CHST13: variants seen among roughly 807,000 people sequenced by gnomAD.
CHST13 encodes the protein C4ST-3.
A neutral mutation model predicts 7.0 loss-of-function variants in CHST13; 1 was observed. The observed-to-expected ratio is 0.14, with a 90% CI of 0.05 to 0.68. The LOEUF is 0.68. Ranked by LOEUF, CHST13 falls within the 30% of genes least tolerant of loss-of-function variation. The pLI is 0.82. For synonymous variants in CHST13, 257 were observed against 240.9 expected (o/e 1.07, Z -0.62); for missense variants, 572 against 507.9 (o/e 1.13, Z -1.21).
Position 126,542,416 on chromosome 3 carries a change from C to A in CHST13, c.864C>A (p.Phe288Leu). 3 of 1,553,100 alleles carry A rather than the reference C, an allele frequency of 1.9e-6. No homozygotes were observed. Among genetic ancestry groups the A allele is most frequent in the Non-Finnish European group, 2.6e-6 (3 of 1,152,018 alleles). Reference protein sequence around the residue: ...LGLAGASDLSFPGPPRPRGAA... With the variant: ...LGLAGASDLSLPGPPRPRGAA... Reference sequence around the variant, plus strand: ...TGGCGGGCGCATCCGACCTGAGCTTCCCTGGGCCGCCGCGGCCCCGGGGAG... The same window carrying A: ...TGGCGGGCGCATCCGACCTGAGCTTACCTGGGCCGCCGCGGCCCCGGGGAG... Residue 288 changes from phenylalanine (F) to leucine (L), a missense_variant, in exon 3 of 3, where the codon TTC becomes TTA. Phe to Leu is a conservative substitution (Grantham distance 22). Coordinates refer to ENST00000319340, the MANE Select transcript of CHST13 (RefSeq NM_152889.3).
intron 1 of CHST13, among the ~76,000 whole-genome samples, chr3:126,535,350 C>T (rs541683315): frequency 9.3e-5 from 14 of 150,550 alleles, no homozygotes; most frequent in Middle Eastern, 3.7e-3. Flanking sequence ...TGTCCTCAGC[C>T]GGGAGACACA....
intron 1 of CHST13, among the ~76,000 whole-genome samples, chr3:126,532,762 C>T (rs1210895297): frequency 6.6e-6 from 1 of 152,170 alleles, no homozygotes; most frequent in Non-Finnish European, 1.5e-5. Context: ...CCTTCACTTT[C>T]CACAAGAATT....
chr3:126,541,661 G>C (rs1312952556), intron 2 of CHST13, 72 bp from the exon 3 acceptor site: 3 of 1,320,120 alleles, frequency 2.3e-6, no homozygotes, highest in Non-Finnish European at 2.9e-6. Flanking sequence ...GCATCCCGCC[G>C]GGGCAGCGCC....
rs1200149816 is a variant in CHST13, at chr3:126,542,481, A to C, written c.929A>C (p.Asp310Ala). The change falls in exon 3 of 3, where the codon GAC (aspartate) becomes GCC (alanine). Residue 310 changes from aspartate to alanine, a missense_variant. Transcript: ENST00000319340. ...SRDLAARLFR[D>A]ISPFYQRRLF... The stretch of plus-strand genomic sequence containing the variant: ...GACCTGGCAGCGCGCCTCTTCCGGG[A>C]CATCAGCCCCTTCTACCAGCGGCGC... 1 of 1,580,830 alleles carries C rather than the reference A, an allele frequency of 6.3e-7. No homozygotes were observed. The highest frequency in any genetic ancestry group is 1.8e-5 in the Admixed American group (1 of 55,170).
At chr3:126,539,559 G>GCA (rs1033518913) in intron 2 of CHST13, among the ~76,000 whole-genome samples, 20 of 68,038 alleles carry the variant, frequency 2.9e-4, no homozygotes, top group African/African-American at 5.5e-4. Flanking sequence ...CACACACACT[G>GCA]CACACACACA....
Position 126,542,210 on chromosome 3 carries a change from G to T in CHST13, c.658G>T (p.Gly220Cys). ...CGCGCTCCCCGACGCCCGGGCCCGCGGCCACGACGTGCGCTTCGCGGAGTT... is the reference window on the plus strand; with the variant it reads ...CGCGCTCCCCGACGCCCGGGCCCGCTGCCACGACGTGCGCTTCGCGGAGTT... ...PRALPDARAR[G>C]HDVRFAEFLA... The change falls in exon 3 of 3, where the codon GGC becomes TGC. Residue 220 changes from glycine to cysteine, a missense_variant. Gly to Cys is a radical substitution (Grantham distance 159). Coordinates refer to ENST00000319340, the MANE Select transcript of CHST13 (RefSeq NM_152889.3). 6.9e-7 allele frequency: 1 copy of T among 1,454,566 alleles called. No homozygotes were observed. The allele number at this position is 1,454,566 out of a possible 1,614,324, so 90.1% of individuals were successfully genotyped here. A position where few individuals can be genotyped will look rare whatever the true frequency, so the allele number is the denominator to read the frequency against.
At chr3:126,536,237 T>C in intron 1 of CHST13, 34 bp from the exon 2 acceptor site, 1 of 1,593,960 alleles carries the variant, frequency 6.3e-7, no homozygotes, top group South Asian at 1.1e-5. Context: ...GTCCCTCTGA[T>C]ATGGTGGCGA....
chr3:126,527,830 C>A (rs1200640353), intron 1 of CHST13: 2 of 152,106 alleles, frequency 1.3e-5, no homozygotes, highest in African/African-American at 4.8e-5. Context: ...TGAGAAGAGG[C>A]AAGCTGGCAG....
chr3:126,542,554 C>T lies in CHST13; in HGVS notation c.1002C>T (p.Ala334=), dbSNP rs1426381588. Residue 334 remains alanine, a synonymous_variant, in exon 3 of 3, where the codon GCC becomes GCT. Transcript: ENST00000319340. ...KMDFLLFNYS[A]PSYLRLL ...ACTTCCTGCTTTTCAACTACTCCGC[C>T]CCCTCCTACCTGCGGCTGCTCTAGC... 4 of 1,510,054 alleles carry T rather than the reference C, an allele frequency of 2.6e-6. No homozygotes were observed. The Admixed American group carries it at 7.0e-5, about 26-fold the overall frequency. 93.5% of individuals were successfully genotyped at this position (1,510,054 alleles called of 1,614,324 possible).
At chr3:126,528,401 A>G (rs1227064780) in intron 1 of CHST13, among the ~76,000 whole-genome samples, 1 of 152,190 alleles carries the variant, frequency 6.6e-6, no homozygotes, top group African/African-American at 2.4e-5. Context: ...AAAAGATTTC[A>G]GCAATAAAGA....
Position 126,542,133 on chromosome 3 carries a change from C to A in CHST13, c.581C>A (p.Ala194Asp), listed in dbSNP as rs1397170241. The stretch of plus-strand genomic sequence containing the variant: ...AACAAGCTCGCGCGCCCCTACAGCG[C>A]CGCCTTCCAGAGGCGCTACGGTGCA... Reference protein sequence around the residue: ...YRNKLARPYSAAFQRRYGARI... With the variant: ...YRNKLARPYSDAFQRRYGARI... The change falls in exon 3 of 3, where the codon GCC (alanine) becomes GAC (aspartate). Residue 194 changes from alanine (A) to aspartate (D), a missense_variant. Ala to Asp is a moderately radical substitution (Grantham distance 126). Transcript: ENST00000319340. The A allele has an allele frequency of 3.2e-6, 5 of 1,567,338 alleles. No individual in the cohort carries two copies. In the Middle Eastern group the frequency reaches 5.1e-4, roughly 159 times the overall value.
Position 126,542,285 on chromosome 3 carries a change from G to T in CHST13, c.733G>T (p.Glu245Ter), listed in dbSNP as rs763869348. Reference protein sequence around the residue: ...PRTRREEPFNEHWERAHALCH... With the variant: ...PRTRREEPFN Reference sequence around the variant, plus strand: ...CACGCGGCGTGAGGAGCCCTTCAACGAGCACTGGGAGCGCGCGCACGCGCT... The same window carrying T: ...CACGCGGCGTGAGGAGCCCTTCAACTAGCACTGGGAGCGCGCGCACGCGCT... Residue 245 changes from glutamate (E) to a stop codon, truncating the protein, a stop_gained, in exon 3 of 3, where the codon GAG (glutamate) becomes TAG (stop). Transcript: ENST00000319340. LOFTEE classifies it low-confidence loss of function (END_TRUNC). 1.9e-6 allele frequency: 3 copies of T among 1,564,712 alleles called. No individual in the cohort carries two copies. Among genetic ancestry groups the T allele is most frequent in the South Asian group, 2.3e-5 (2 of 86,928 alleles).
chr3:126,540,690 G>A (rs1400492815), intron 2 of CHST13, among the ~76,000 whole-genome samples: 1 of 152,236 alleles, frequency 6.6e-6, no homozygotes, highest in East Asian at 1.9e-4. Context: ...TCATGGACAA[G>A]TTTTTTGCAT....
Position 126,541,986 on chromosome 3 carries a change from C to A in CHST13, c.434C>A (p.Ala145Glu). Residue 145 changes from alanine to glutamate, a missense_variant, in exon 3 of 3, where the codon GCG becomes GAG. Coordinates refer to ENST00000319340, the MANE Select transcript of CHST13 (RefSeq NM_152889.3). ...GCCATCTCCGCGCAAGAGGCGCACG[C>A]GCCTGGCCGCCTGCCCTCACTGGCC... Reference protein sequence around the residue: ...PRAISAQEAHAPGRLPSLADF... With the variant: ...PRAISAQEAHEPGRLPSLADF... 6.4e-7 allele frequency: 1 copy of A among 1,563,752 alleles called. No homozygotes were observed. Among genetic ancestry groups the A allele is most frequent in the Non-Finnish European group, 8.6e-7 (1 of 1,159,402 alleles).
intron 2 of CHST13, 30 bp downstream of exon 2, chr3:126,536,383 G>GC (rs1936791637): frequency 7.7e-6 from 12 of 1,561,354 alleles, no homozygotes; most frequent in Non-Finnish European, 1.1e-5. Flanking sequence ...ACCCAGGCAT[G>GC]CCCCCCTCCA....
intron 1 of CHST13, chr3:126,529,226 C>G: frequency 1.0e-6 from 1 of 962,300 alleles, no homozygotes; most frequent in African/African-American, 1.7e-5. Flanking sequence ...GTGTTTCACC[C>G]GGTATCTTGA....
In CHST13 at chr3:126,542,455, C is replaced by T; in HGVS notation, c.903C>T (p.Arg301=). Residue 301 remains arginine, a synonymous_variant, in exon 3 of 3, where the codon CGC becomes CGT. Coordinates refer to ENST00000319340, the MANE Select transcript of CHST13 (RefSeq NM_152889.3). Reference sequence around the variant, plus strand: ...GGCCCCGGGGAGCCGCCGCCTCCCGCGACCTGGCAGCGCGCCTCTTCCGGG... The same window carrying T: ...GGCCCCGGGGAGCCGCCGCCTCCCGTGACCTGGCAGCGCGCCTCTTCCGGG... ...PPRPRGAAAS[R]DLAARLFRDI... is the part of the protein sequence containing the mutation. 1.3e-6 allele frequency: 2 copies of T among 1,569,376 alleles called. No homozygotes were observed. Among genetic ancestry groups the T allele is most frequent in the Non-Finnish European group, 1.7e-6 (2 of 1,160,338 alleles).
chr3:126,542,230 G>A lies in CHST13; in HGVS notation c.678G>A (p.Ala226=). Residue 226 remains alanine, a synonymous_variant, in exon 3 of 3, where the codon GCG becomes GCA. Transcript: ENST00000319340. ...CCCGCGGCCACGACGTGCGCTTCGC[G>A]GAGTTCCTGGCCTACCTGCTGGACC... ...ARARGHDVRF[A]EFLAYLLDPR... 1 of 1,508,562 alleles carries A rather than the reference G, an allele frequency of 6.6e-7. No individual in the cohort carries two copies. Among genetic ancestry groups the A allele is most frequent in the Non-Finnish European group, 8.8e-7 (1 of 1,136,384 alleles). 93.4% of individuals were successfully genotyped at this position (1,508,562 alleles called of 1,614,324 possible). A position where few individuals can be genotyped will look rare whatever the true frequency, so the allele number is the denominator to read the frequency against.
At chr3:126,536,619 A>G (rs1576231696) in intron 2 of CHST13, among the ~76,000 whole-genome samples, 2 of 152,180 alleles carry the variant, frequency 1.3e-5, no homozygotes, top group South Asian at 2.1e-4. Flanking sequence ...GATAAAAAAG[A>G]GTCAAAACAG....
Sources: allele counts gnomAD v4.1 joint callset (sites outside exome capture counted in the v4.1 genomes callset), GRCh38; gene constraint gnomAD v4.1.1; transcripts MANE v1.5; gene names NCBI Gene and HGNC (gene_info 2026-07-23, HGNC 2026-07-21).